Variants in SLC4A5 observed in about 807,000 individuals in gnomAD.
The protein encoded by SLC4A5 is electrogenic sodium bicarbonate cotransporter 4.
A neutral mutation model predicts 120.4 loss-of-function variants in SLC4A5; 96 were observed. That is an observed-to-expected ratio of 0.80 (90% CI 0.68 to 0.94). The LOEUF is 0.94. Ranked by LOEUF, SLC4A5 falls within the 40% of genes least tolerant of loss-of-function variation. The pLI is 0.00. For missense variants in SLC4A5, 1,259 were observed against 1,459.5 expected (o/e 0.86, Z 2.24); for synonymous variants, 550 against 571.1 (o/e 0.96, Z 0.53).
Position 74,252,400 on chromosome 2 carries a change from G to A in SLC4A5, c.1269-12C>T, listed in dbSNP as rs372440009. The A allele has an allele frequency of 6.2e-7, 1 of 1,605,864 alleles. No homozygotes were observed. Among genetic ancestry groups the A allele is most frequent in the Non-Finnish European group, 8.5e-7 (1 of 1,173,782 alleles). On this transcript the variant is annotated splice_polypyrimidine_tract_variant and intron_variant, in intron 15 of 30. Coordinates refer to ENST00000394019, the Ensembl canonical transcript of SLC4A5. ...AGAACACAGATTTCCTGGAAGAGAA[G>A]GGGGATGAAGGAGAGTGGGTCCCCC...
At chr2:74,277,112 C>G (rs904461242) in intron 8 of SLC4A5, among the ~76,000 whole-genome samples, 3 of 152,122 alleles carry the variant, frequency 2.0e-5, no homozygotes, top group Non-Finnish European at 2.9e-5. Flanking sequence ...GCTTCTGTTA[C>G]TTGTAGCCCC....
intron 13 of SLC4A5, 111 bp from the exon 14 acceptor site, chr2:74,254,817 ATTTTT>A: frequency 2.8e-5 from 17 of 605,320 alleles, no homozygotes; most frequent in Non-Finnish European, 3.4e-5. Context: ...AACAGTATGC[ATTTTT>A]TTTTTTTTTT....
intron 9 of SLC4A5, 138 bp from the exon 10 acceptor site, chr2:74,264,437 TG>T: frequency 1.0e-6 from 1 of 970,138 alleles, no homozygotes; most frequent in Non-Finnish European, 1.5e-6. Context: ...TGCCACTAGC[TG>T]TGGAAAACTG....
intron 11 of SLC4A5, among the ~76,000 whole-genome samples, chr2:74,261,256 G>T (rs1671125965): frequency 6.6e-6 from 1 of 152,352 alleles, no homozygotes; most frequent in African/African-American, 2.4e-5. Flanking sequence ...TAACTGAGTG[G>T]AAGGTCTTCC....
At chr2:74,321,221 T>C (rs1215797136) in intron 5 of SLC4A5, among the ~76,000 whole-genome samples, 2 of 152,154 alleles carry the variant, frequency 1.3e-5, no homozygotes, top group East Asian at 3.9e-4. Flanking sequence ...CCCTTTCTGC[T>C]CTGACTTTCT....
chr2:74,288,738 G>A (rs1042278554), intron 7 of SLC4A5, among the ~76,000 whole-genome samples: 7 of 152,132 alleles, frequency 4.6e-5, no homozygotes, highest in African/African-American at 1.4e-4. Context: ...CATGTGTATT[G>A]AACATTCCAA....
exon 8 of SLC4A5, chr2:74,285,789 A>T (rs1161315990): frequency 1.2e-6 from 2 of 1,610,944 alleles, no homozygotes; most frequent in Admixed American, 3.3e-5. Context: ...GACTCCTTCC[A>T]CTCCATCTGG....
chr2:74,254,756 T>C, intron 13 of SLC4A5, 50 bp from the exon 14 acceptor site: 2 of 1,338,038 alleles, frequency 1.5e-6, no homozygotes, highest in Non-Finnish European at 2.1e-6. Flanking sequence ...AAGAGGAGCA[T>C]GAAAGTGAGA....
intron 5 of SLC4A5, among the ~76,000 whole-genome samples, chr2:74,316,951 A>G (rs1296215711): frequency 1.3e-5 from 2 of 152,228 alleles, no homozygotes; most frequent in Non-Finnish European, 2.9e-5. Flanking sequence ...TGCCTAATGT[A>G]ATACATTTAA....
At chr2:74,277,601 G>A (rs1671685836) in intron 8 of SLC4A5, among the ~76,000 whole-genome samples, 2 of 152,154 alleles carry the variant, frequency 1.3e-5, no homozygotes, top group South Asian at 4.1e-4. Context: ...AGGGCTTTTA[G>A]GCAGGACTCT....
At chr2:74,293,481 A>C (rs1672236274) in intron 7 of SLC4A5, among the ~76,000 whole-genome samples, 1 of 152,110 alleles carries the variant, frequency 6.6e-6, no homozygotes, top group African/African-American at 2.4e-5. Context: ...GTGAATTTTG[A>C]ATTGGGTCTC....
chr2:74,246,707 C>A (rs1670622994), intron 19 of SLC4A5, among the ~76,000 whole-genome samples: 1 of 152,172 alleles, frequency 6.6e-6, no homozygotes, highest in Non-Finnish European at 1.5e-5. Context: ...ACCATCAGTT[C>A]TATCTCTGGC....
chr2:74,263,738 C>A (rs1193620414), intron 10 of SLC4A5, among the ~76,000 whole-genome samples: 2 of 152,206 alleles, frequency 1.3e-5, no homozygotes, highest in Non-Finnish European at 2.9e-5. Flanking sequence ...TGGGTCCTTT[C>A]CATAGCAAGC....
rs1055353241 is a variant in SLC4A5, at chr2:74,253,862, G to A, written c.1114-734C>T. On this transcript the variant is annotated intron_variant, in intron 14 of 30. Transcript: ENST00000394019. Reference sequence around the variant, plus strand: ...TGATGTTAGCATCACTCGTAGGAATGCTAGTTTTCTAGGATTTGATATTTT... The same window carrying A: ...TGATGTTAGCATCACTCGTAGGAATACTAGTTTTCTAGGATTTGATATTTT... Among the ~76,000 whole-genome samples the A allele has an allele frequency of 2.0e-5, 3 of 152,302 alleles. No homozygotes were observed. In the East Asian group the frequency reaches 5.8e-4, roughly 29 times the overall value.
At position 74,255,291 on chromosome 2, in the gene SLC4A5, ATTATTT is replaced by A. The variant is rs1670925965; in HGVS notation, c.1025+478_1025+483del. On this transcript the variant is annotated intron_variant, in intron 13 of 30. Coordinates refer to ENST00000394019, the Ensembl canonical transcript of SLC4A5. This position sits in a 1 kb window ranked among gnomAD's most constrained non-coding sequence, Gnocchi z 4.0. Reference sequence around the variant, plus strand: ...GTTGCCTCCTTCTCTTTTATTATTTATTATTTTTATTTTTTTTCTGAGACGCAGTCT... The same window carrying A: ...GTTGCCTCCTTCTCTTTTATTATTTATTATTTTTTTTCTGAGACGCAGTCT... 6.6e-6 allele frequency among the ~76,000 whole-genome samples: 1 copy of A among 151,450 alleles called. No homozygotes were observed. The highest frequency in any genetic ancestry group is 1.5e-5 in the Non-Finnish European group (1 of 67,910).
chr2:74,309,109 C>A (rs1288723160), intron 6 of SLC4A5, among the ~76,000 whole-genome samples: 1 of 151,396 alleles, frequency 6.6e-6, no homozygotes, highest in African/African-American at 2.4e-5. Flanking sequence ...TTAGTAGTCT[C>A]AAAATCTCTA....
At chr2:74,305,917 G>C (rs1190723001) in intron 6 of SLC4A5, among the ~76,000 whole-genome samples, 1 of 151,818 alleles carries the variant, frequency 6.6e-6, no homozygotes, top group African/African-American at 2.4e-5. Context: ...GTAGAAACAG[G>C]GTTTCGCCAT....
At chr2:74,231,490 C>T (rs531675063) in intron 24 of SLC4A5, among the ~76,000 whole-genome samples, 182 bp from the exon 25 acceptor site, 4 of 152,254 alleles carry the variant, frequency 2.6e-5, no homozygotes, top group African/African-American at 7.2e-5. Context: ...GACAGGCGGC[C>T]CCTGACTGGG....
At chr2:74,298,568 T>C (rs990045358) in intron 7 of SLC4A5, among the ~76,000 whole-genome samples, 5 of 152,120 alleles carry the variant, frequency 3.3e-5, no homozygotes, top group African/African-American at 7.2e-5. Context: ...AAAAATAAAC[T>C]AGTGCAACAA....
Sources: allele counts gnomAD v4.1 joint callset (sites outside exome capture counted in the v4.1 genomes callset), GRCh38; gene constraint gnomAD v4.1.1; non-coding constraint Gnocchi (gnomAD v3.1); transcripts MANE v1.5; gene names NCBI Gene and HGNC (gene_info 2026-07-23, HGNC 2026-07-21).